Variants in GRIK1 observed in about 807,000 individuals in gnomAD.
GRIK1 encodes the protein glutamate ionotropic receptor kainate type subunit 1.
In GRIK1, 69 loss-of-function variants were observed where a neutral mutation model predicts 105.7. The ratio of observed to expected loss-of-function variants is 0.65; its 90% CI spans 0.54 to 0.80. The LOEUF is 0.80. Among genes scored for constraint, GRIK1 ranks in the 30% least tolerant of loss-of-function variants. The pLI is 0.00. For missense variants in GRIK1, 1,109 were observed against 1,167.3 expected, an observed-to-expected ratio of 0.95 and a Z score of 0.73; for synonymous variants, 438 against 431.3, an observed-to-expected ratio of 1.02 and a Z score of -0.19.
intron 10 of GRIK1, 126 bp from the exon 11 acceptor site, chr21:29,589,168 A>T: frequency 3.2e-6 from 2 of 628,124 alleles, no homozygotes; most frequent in East Asian, 5.3e-5. Context: ...GAAGTCATTC[A>T]CTCATCTGCC....
chr21:29,730,026 A>G (rs2064573095), intron 1 of GRIK1, among the ~76,000 whole-genome samples: 1 of 152,170 alleles, frequency 6.6e-6, no homozygotes, highest in Non-Finnish European at 1.5e-5. Context: ...CATAATCACT[A>G]CATTTTCCCA....
intron 1 of GRIK1, among the ~76,000 whole-genome samples, chr21:29,865,637 G>C (rs2068777527): frequency 6.6e-6 from 1 of 152,220 alleles, no homozygotes; most frequent in South Asian, 2.1e-4. Flanking sequence ...CATAAATTAT[G>C]GGGCATATAT....
intron 1 of GRIK1, among the ~76,000 whole-genome samples, chr21:29,935,264 A>G (rs1339051464): frequency 6.6e-6 from 1 of 152,228 alleles, no homozygotes; most frequent in African/African-American, 2.4e-5. Flanking sequence ...TAATGTGTCC[A>G]CGTGGAAAAT....
intron 1 of GRIK1, among the ~76,000 whole-genome samples, chr21:29,747,168 T>C (rs1468492765): frequency 6.6e-6 from 1 of 152,214 alleles, no homozygotes; most frequent in Non-Finnish European, 1.5e-5. Context: ...CTCCCAGGAC[T>C]GCAAGACTTG....
At position 29,537,301 on chromosome 21, in the gene GRIK1, C is replaced by A. The variant is rs2089894651; in HGVS notation, c.2779G>T (p.Gly927Trp). ...AGGATACTTGTGAAGGAAGATTTCC[C>A]CTTAGTTCTTGACTTTTTCTTTATT... ...KKIKKKSRTKGKSSFTSILTC... is the reference protein window; with the variant it reads ...KKIKKKSRTKWKSSFTSILTC... Residue 927 changes from glycine to tryptophan, a missense_variant, in exon 18 of 18, where the codon GGG becomes TGG. This residue lies in a region of GRIK1 where 161 missense variants were observed against 143.4 expected (regional missense o/e 1.12). Transcript: ENST00000327783. The A allele has an allele frequency of 1.2e-6, 2 of 1,610,574 alleles. No individual in the cohort carries two copies. Among genetic ancestry groups the A allele is most frequent in the Non-Finnish European group, 1.7e-6 (2 of 1,177,428 alleles).
intron 1 of GRIK1, among the ~76,000 whole-genome samples, chr21:29,766,408 G>A (rs1342148279): frequency 1.3e-5 from 2 of 152,102 alleles, no homozygotes; most frequent in Admixed American, 1.3e-4. Flanking sequence ...AATGCACAGG[G>A]CAGCCCCCCA....
At chr21:29,796,188 A>G (rs749099330) in intron 1 of GRIK1, among the ~76,000 whole-genome samples, 1 of 152,198 alleles carries the variant, frequency 6.6e-6, no homozygotes, top group Non-Finnish European at 1.5e-5. Flanking sequence ...TTTGAATTAT[A>G]TCTCATTCTT....
chr21:29,913,210 G>A (rs2070878845), intron 1 of GRIK1, among the ~76,000 whole-genome samples: 1 of 152,056 alleles, frequency 6.6e-6, no homozygotes, highest in Non-Finnish European at 1.5e-5. Flanking sequence ...CCACTAACTA[G>A]CTGTATGACT....
At chr21:29,803,078 A>T (rs924601785) in intron 1 of GRIK1, among the ~76,000 whole-genome samples, 19 of 152,102 alleles carry the variant, frequency 1.2e-4, no homozygotes, top group Admixed American at 9.2e-4. Context: ...GCTTGATGAG[A>T]TGTGGATATT....
At chr21:29,547,923 GTTAT>G (rs2090073102) in intron 16 of GRIK1, among the ~76,000 whole-genome samples, 1 of 152,194 alleles carries the variant, frequency 6.6e-6, no homozygotes, top group African/African-American at 2.4e-5. Flanking sequence ...GGTTGAGTGG[GTTAT>G]CAAATGACAG....
chr21:29,924,237 C>T (rs1033831268), intron 1 of GRIK1, among the ~76,000 whole-genome samples: 1 of 151,014 alleles, frequency 6.6e-6, no homozygotes, highest in Non-Finnish European at 1.5e-5. Context: ...ACTCAGGAGA[C>T]TGAGGCAGAG....
At chr21:29,630,770 G>T (rs1018408654) in intron 7 of GRIK1, 8 of 346,100 alleles carry the variant, frequency 2.3e-5, no homozygotes, top group African/African-American at 8.8e-5. Flanking sequence ...GTGTGTGTGT[G>T]TTTTTGTTTT....
intron 1 of GRIK1, among the ~76,000 whole-genome samples, chr21:29,882,040 A>T (rs2069431459): frequency 6.6e-6 from 1 of 152,134 alleles, no homozygotes; most frequent in South Asian, 2.1e-4. Flanking sequence ...TGGTTGGGGT[A>T]AAGGTATCTG....
intron 7 of GRIK1, among the ~76,000 whole-genome samples, chr21:29,618,035 A>C (rs1382586264): frequency 6.6e-6 from 1 of 152,190 alleles, no homozygotes; most frequent in East Asian, 1.9e-4. Context: ...AAGGCTTAGG[A>C]TGACCTAGTG....
chr21:29,555,880 C>T (rs2090241170), intron 15 of GRIK1, among the ~76,000 whole-genome samples: 1 of 152,152 alleles, frequency 6.6e-6, no homozygotes, highest in Non-Finnish European at 1.5e-5. Context: ...CAAGGCTTTT[C>T]TTTTTCTCAA....
intron 9 of GRIK1, 163 bp downstream of exon 9, chr21:29,596,362 GA>G (rs1431847151): frequency 1.3e-6 from 1 of 743,268 alleles, no homozygotes; most frequent in Non-Finnish European, 2.5e-6. Context: ...ATGTTGTTGA[GA>G]GAGATAACAT....
chr21:29,596,797 T>C, intron 8 of GRIK1: 1 of 557,306 alleles, frequency 1.8e-6, no homozygotes, highest in South Asian at 2.0e-5. Context: ...CAATTTTTAC[T>C]TTTCCTTTCA....
chr21:29,816,343 T>C (rs1339521319), intron 1 of GRIK1, among the ~76,000 whole-genome samples: 2 of 152,102 alleles, frequency 1.3e-5, no homozygotes, highest in Non-Finnish European at 2.9e-5. Context: ...TATACACTGT[T>C]GGTGGGAATG....
At chr21:29,912,014 C>A (rs1415839389) in intron 1 of GRIK1, among the ~76,000 whole-genome samples, 1 of 151,896 alleles carries the variant, frequency 6.6e-6, no homozygotes, top group Non-Finnish European at 1.5e-5. Flanking sequence ...GGTGTGATGT[C>A]CTCAGCTAAG....
Sources: gnomAD v4.1 joint callset for allele counts (sites outside exome capture counted in the v4.1 genomes callset) on GRCh38, gnomAD v4.1.1 for gene constraint, gnomAD v4.1.1 regional missense constraint, MANE v1.5 for transcripts, NCBI Gene and HGNC (gene_info 2026-07-23, HGNC 2026-07-21) for gene names.